ANK1: variants seen among roughly 807,000 people sequenced by gnomAD.
ANK1 encodes the protein ankyrin 1, also known as ankyrin-1.
ANK1 carries 51 observed loss-of-function variants against 210.4 expected under a neutral mutation model. The ratio of observed to expected loss-of-function variants is 0.24; its 90% CI spans 0.19 to 0.31. ANK1 has a LOEUF of 0.31. Ranked by LOEUF, ANK1 falls within the 10% of genes least tolerant of loss-of-function variation. The pLI is 1.00. For missense variants in ANK1, 2,051 were observed against 2,504.4 expected (o/e 0.82, Z 3.86); for synonymous variants, 967 against 1,025.9 (o/e 0.94, Z 1.10).
At chr8:41,666,432 T>C (rs1035900798) in intron 39 of ANK1, among the ~76,000 whole-genome samples, 1 of 152,194 alleles carries the variant, frequency 6.6e-6, no homozygotes, top group East Asian at 1.9e-4. Flanking sequence ...CAATGCTGCT[T>C]ATTTCAACAA....
At chr8:41,674,373 C>T (rs1813494826) in intron 37 of ANK1, among the ~76,000 whole-genome samples, 1 of 152,246 alleles carries the variant, frequency 6.6e-6, no homozygotes, top group Admixed American at 6.5e-5. Context: ...TGTCTCATGG[C>T]ATTTTCCCAG....
At chr8:41,677,384 T>C (rs1263252699) in intron 37 of ANK1, among the ~76,000 whole-genome samples, 7 of 152,170 alleles carry the variant, frequency 4.6e-5, no homozygotes, top group African/African-American at 1.7e-4. Flanking sequence ...CTTTATTCTA[T>C]GATTTTGGGT....
At position 41,835,691 on chromosome 8, in the gene ANK1, A is replaced by G. The variant is rs377762620; in HGVS notation, c.126+60664T>C. ...CCAAGAATGGTTTTTACATTTTTAA[A>G]TAGTTGAGAAAAGGATTCAAAGACA... On this transcript the variant is annotated intron_variant, in intron 1 of 42. Transcript: ENST00000265709. Among the ~76,000 whole-genome samples the G allele has an allele frequency of 1.8e-4, 27 of 152,338 alleles. No individual in the cohort carries two copies. The East Asian group carries it at 5.0e-3, about 28-fold the overall frequency.
intron 1 of ANK1, among the ~76,000 whole-genome samples, chr8:41,826,820 A>G (rs1563855161): frequency 6.6e-6 from 1 of 152,194 alleles, no homozygotes; most frequent in Non-Finnish European, 1.5e-5. Flanking sequence ...TGTCGTAACA[A>G]TAAACATTCT....
At chr8:41,874,421 G>A (rs1171379994) in intron 1 of ANK1, among the ~76,000 whole-genome samples, 1 of 152,226 alleles carries the variant, frequency 6.6e-6, no homozygotes. Flanking sequence ...GAACCATTTA[G>A]CAAAGCACTC....
Position 41,695,225 on chromosome 8 carries a change from G to C in ANK1, c.3067C>G (p.Arg1023Gly). Residue 1023 changes from arginine (R) to glycine (G), a missense_variant, in exon 27 of 43, where the codon CGC becomes GGC. Physicochemically the swap from Arg to Gly is moderately radical, Grantham distance 125 (BLOSUM62 -2). Transcript: ENST00000289734. ...TGATCCAGGTAGCTCTCTCCATAGC[G>C]GCTCCTGTGCTCCTTCCACACGGAG... ...NGSVWKEHRS[R>G]YGESYLDQIL... The C allele has an allele frequency of 6.2e-7, 1 of 1,614,090 alleles. No individual in the cohort carries two copies. The highest frequency in any genetic ancestry group is 8.5e-7 in the Non-Finnish European group (1 of 1,180,032).
intron 31 of ANK1, among the ~76,000 whole-genome samples, 172 bp downstream of exon 31, chr8:41,692,476 T>A (rs1011999314): frequency 6.6e-6 from 1 of 152,234 alleles, no homozygotes; most frequent in Non-Finnish European, 1.5e-5. Flanking sequence ...GGCATCTCTC[T>A]CCTTTCCTGA....
chr8:41,757,412 T>G (rs1250399492), intron 2 of ANK1, among the ~76,000 whole-genome samples: 1 of 152,036 alleles, frequency 6.6e-6, no homozygotes, highest in Non-Finnish European at 1.5e-5. Flanking sequence ...GCCTCTCTAT[T>G]TAGTTAGTTC....
Position 41,825,801 on chromosome 8 carries a change from C to T in ANK1, c.127-67664G>A, listed in dbSNP as rs567888740. On this transcript the variant is annotated intron_variant, in intron 1 of 42. Transcript: ENST00000265709. ...TTCTTGTGATAGTAAATAAGTCTTACGAGATCTGATGGTTCTATAAAGGGG... is the reference window on the plus strand; with the variant it reads ...TTCTTGTGATAGTAAATAAGTCTTATGAGATCTGATGGTTCTATAAAGGGG... 6.6e-5 allele frequency among the ~76,000 whole-genome samples: 10 copies of T among 152,190 alleles called. No individual in the cohort carries two copies. The South Asian group carries it at 8.3e-4, about 13-fold the overall frequency.
intron 1 of ANK1, among the ~76,000 whole-genome samples, chr8:41,786,822 C>T (rs1586940250): frequency 6.6e-6 from 1 of 152,332 alleles, no homozygotes; most frequent in East Asian, 1.9e-4. Context: ...GTTCATCCTA[C>T]AGATGCTTTT....
intron 2 of ANK1, among the ~76,000 whole-genome samples, chr8:41,738,579 A>G (rs1218098643): frequency 6.6e-6 from 1 of 152,194 alleles, no homozygotes; most frequent in Non-Finnish European, 1.5e-5. Context: ...TTTTTCTTTA[A>G]GCAGATTTTT....
chr8:41,658,210 T>A (rs1363458248), intron 42 of ANK1, among the ~76,000 whole-genome samples: 3 of 152,128 alleles, frequency 2.0e-5, no homozygotes, highest in Non-Finnish European at 2.9e-5. Context: ...GCAACCATCA[T>A]AACCATCCTA....
At chr8:41,837,187 G>A (rs1221756097) in intron 1 of ANK1, among the ~76,000 whole-genome samples, 1 of 152,210 alleles carries the variant, frequency 6.6e-6, no homozygotes, top group Non-Finnish European at 1.5e-5. Context: ...AGTCTCAGGT[G>A]AGACAAAGAA....
chr8:41,840,922 G>A (rs1808776285), intron 1 of ANK1, among the ~76,000 whole-genome samples: 2 of 152,206 alleles, frequency 1.3e-5, no homozygotes, highest in Admixed American at 1.3e-4. Flanking sequence ...CCAGGTCATG[G>A]AGAAATCTGA....
intron 1 of ANK1, among the ~76,000 whole-genome samples, chr8:41,776,428 CAATCG>C (rs1325669803): frequency 6.6e-6 from 1 of 152,058 alleles, no homozygotes; most frequent in African/African-American, 2.4e-5. Context: ...CAGTCCACTC[CAATCG>C]AGTTCTCTAG....
At chr8:41,665,560 G>C (rs1413165477) in intron 39 of ANK1, 1 of 319,752 alleles carries the variant, frequency 3.1e-6, no homozygotes, top group Non-Finnish European at 6.1e-6. Flanking sequence ...GTCCGAGAAA[G>C]CAGCTACTTG....
rs548990735 is a variant in ANK1, at chr8:41,704,755, G to T, written c.2098-283C>A. Reference sequence around the variant, plus strand: ...CATGGGAGATCTGAGAGCTTTGGAGGTGAGTGAGGTCCCCCAGAATAAAGT... The same window carrying T: ...CATGGGAGATCTGAGAGCTTTGGAGTTGAGTGAGGTCCCCCAGAATAAAGT... On this transcript the variant is annotated intron_variant, in intron 18 of 42. Transcript: ENST00000289734. This position sits in a 1 kb window ranked among gnomAD's most constrained non-coding sequence, Gnocchi z 4.1. Among the ~76,000 whole-genome samples, 1 of 152,298 alleles carries T rather than the reference G, an allele frequency of 6.6e-6. No homozygotes were observed. Among genetic ancestry groups the T allele is most frequent in the South Asian group, 2.1e-4 (1 of 4,816 alleles).
At chr8:41,769,106 G>C (rs1842481618) in intron 1 of ANK1, among the ~76,000 whole-genome samples, 1 of 152,206 alleles carries the variant, frequency 6.6e-6, no homozygotes, top group Non-Finnish European at 1.5e-5. Flanking sequence ...AAAAGGCCAG[G>C]GTGTTGCCAA....
chr8:41,764,877 C>T (rs973286044), intron 1 of ANK1, among the ~76,000 whole-genome samples: 1 of 152,234 alleles, frequency 6.6e-6, no homozygotes, highest in South Asian at 2.1e-4. Flanking sequence ...TCACTCCCTC[C>T]TCAGAATAAT....
Sources: allele counts gnomAD v4.1 joint callset (sites outside exome capture counted in the v4.1 genomes callset), GRCh38; gene constraint gnomAD v4.1.1; non-coding constraint Gnocchi (gnomAD v3.1); transcripts MANE v1.5; gene names NCBI Gene and HGNC (gene_info 2026-07-23, HGNC 2026-07-21).